The following SERPINI1 variants were observed in gnomAD, a reference collection of about 807,000 sequenced individuals.
SERPINI1 encodes the protein serpin family I member 1.
A neutral mutation model predicts 41.1 loss-of-function variants in SERPINI1; 19 were observed. The ratio of observed to expected loss-of-function variants is 0.46; its 90% CI spans 0.32 to 0.68. The LOEUF is 0.68. SERPINI1 is among the 30% of genes least tolerant of loss of function. SERPINI1 has a pLI of 0.03. For missense variants in SERPINI1, 460 were observed against 479.2 expected (o/e 0.96, Z 0.37); for synonymous variants, 138 against 156.6 (o/e 0.88, Z 0.89).
At chr3:167,797,684 A>G (rs1727758306) in intron 5 of SERPINI1, among the ~76,000 whole-genome samples, 1 of 151,920 alleles carries the variant, frequency 6.6e-6, no homozygotes, top group African/African-American at 2.4e-5. Context: ...ATATGTAGAA[A>G]TATTCCATTA....
In SERPINI1 at chr3:167,823,189, G is replaced by C. The variant is rs868268885; in HGVS notation, c.1066+117G>C. ...AAAAAAGTCACTCTGCTCTAACTTA[G>C]AAGTCAAGCAAATGCTGAACCAGCC... is the stretch of plus-strand genomic sequence containing the variant. On this transcript the variant is annotated intron_variant, in intron 7 of 8. Coordinates refer to ENST00000446050, the MANE Select transcript of SERPINI1 (RefSeq NM_001122752.2). 318 of 768,258 alleles carry C rather than the reference G, an allele frequency of 4.1e-4. 1 individual carries two copies. Among genetic ancestry groups the C allele is most frequent in the South Asian group, 2.0e-3 (141 of 70,744 alleles). The allele number at this position is 768,258 out of a possible 1,614,324, so 47.6% of individuals were successfully genotyped here.
chr3:167,735,773 C>T lies in SERPINI1; in HGVS notation c.-69C>T, dbSNP rs1376676455. On this transcript the variant is annotated 5_prime_UTR_variant, in exon 1 of 9. Transcript: ENST00000446050. Reference sequence around the variant, plus strand: ...GAACGAGAGCGGAGCGGAGCACAGTCCGCCGAGCACAAGCTCCAGCATCCC... The same window carrying T: ...GAACGAGAGCGGAGCGGAGCACAGTTCGCCGAGCACAAGCTCCAGCATCCC... 2 of 152,354 alleles carry T rather than the reference C, an allele frequency of 1.3e-5. No individual in the cohort carries two copies. Among genetic ancestry groups the T allele is most frequent in the African/African-American group, 4.8e-5 (2 of 41,446 alleles). 9.4% of individuals were successfully genotyped at this position (152,354 alleles called of 1,614,324 possible). A position where few individuals can be genotyped will look rare whatever the true frequency, so the allele number is the denominator to read the frequency against.
intron 2 of SERPINI1, 66 bp from the exon 3 acceptor site, chr3:167,790,306 C>A: frequency 1.6e-6 from 2 of 1,216,112 alleles, no homozygotes; most frequent in Non-Finnish European, 1.2e-6. Flanking sequence ...TTTAATGCTC[C>A]TCCACTCTCC....
intron 1 of SERPINI1, among the ~76,000 whole-genome samples, chr3:167,775,160 TTC>T (rs1468469367): frequency 1.7e-5 from 2 of 115,644 alleles, no homozygotes; most frequent in African/African-American, 4.0e-5. Flanking sequence ...TAAGTGTGTG[TTC>T]TAGTAACTTC....
rs565445764 is a variant in SERPINI1, at chr3:167,790,354, T to C, written c.251-18T>C. 39 of 1,529,336 alleles carry C rather than the reference T, an allele frequency of 2.6e-5. No homozygotes were observed. In the South Asian group the frequency reaches 3.4e-4, roughly 13 times the overall value. 94.7% of individuals were successfully genotyped at this position (1,529,336 alleles called of 1,614,324 possible). A position where few individuals can be genotyped will look rare whatever the true frequency, so the allele number is the denominator to read the frequency against. On this transcript the variant is annotated intron_variant, in intron 2 of 8. Coordinates refer to ENST00000446050, the MANE Select transcript of SERPINI1 (RefSeq NM_001122752.2). Reference sequence around the variant, plus strand: ...CGTGTTTGTTCTACAAATAAACTTATCCTTTCTCATCTTTCAGGTGAAGAA... The same window carrying C: ...CGTGTTTGTTCTACAAATAAACTTACCCTTTCTCATCTTTCAGGTGAAGAA...
chr3:167,816,948 T>G (rs1712114143), intron 6 of SERPINI1, among the ~76,000 whole-genome samples: 1 of 151,978 alleles, frequency 6.6e-6, no homozygotes, highest in Non-Finnish European at 1.5e-5. Context: ...AGAATGCTAA[T>G]GGAAGGAAGC....
intron 5 of SERPINI1, among the ~76,000 whole-genome samples, chr3:167,805,100 A>C (rs1321598308): frequency 6.6e-6 from 1 of 152,304 alleles, no homozygotes; most frequent in Admixed American, 6.5e-5. Context: ...TTAAAACAAA[A>C]ATAAAGACCC....
At chr3:167,821,943 G>A (rs1232190725) in intron 6 of SERPINI1, among the ~76,000 whole-genome samples, 1 of 152,116 alleles carries the variant, frequency 6.6e-6, no homozygotes, top group African/African-American at 2.4e-5. Flanking sequence ...TCCTTGCTTG[G>A]GAAGGGCCAG....
chr3:167,758,035 A>G (rs1345159349), intron 1 of SERPINI1, among the ~76,000 whole-genome samples: 1 of 152,238 alleles, frequency 6.6e-6, no homozygotes. Flanking sequence ...TTTATGTAAC[A>G]CAAATCCCTA....
At chr3:167,787,110 C>T (rs1727342194) in intron 1 of SERPINI1, among the ~76,000 whole-genome samples, 1 of 152,016 alleles carries the variant, frequency 6.6e-6, no homozygotes, top group African/African-American at 2.4e-5. Flanking sequence ...TTCGCCCAGG[C>T]CTGCACATGA....
At chr3:167,766,787 A>G (rs567908360) in intron 1 of SERPINI1, among the ~76,000 whole-genome samples, 2 of 152,346 alleles carry the variant, frequency 1.3e-5, no homozygotes, top group South Asian at 4.1e-4. Context: ...ATCCAGAGCA[A>G]TAGCCTAACT....
chr3:167,744,768 T>C (rs541666289), intron 1 of SERPINI1, among the ~76,000 whole-genome samples: 1,017 of 97,634 alleles, frequency 0.01, 15 homozygotes, highest in Non-Finnish European at 0.016. Context: ...ATATTAAATA[T>C]ATATTATATA....
intron 1 of SERPINI1, among the ~76,000 whole-genome samples, chr3:167,763,066 G>C (rs993796297): frequency 6.6e-6 from 1 of 152,094 alleles, no homozygotes; most frequent in African/African-American, 2.4e-5. Flanking sequence ...TCATGTGTAA[G>C]TAGGGAAAAT....
At chr3:167,768,988 G>T (rs1577407547) in intron 1 of SERPINI1, among the ~76,000 whole-genome samples, 1 of 150,108 alleles carries the variant, frequency 6.7e-6, no homozygotes, top group South Asian at 2.1e-4. Context: ...TCTTTTGTTT[G>T]TTTGTTTGTT....
At chr3:167,776,368 C>T (rs1726969082) in intron 1 of SERPINI1, among the ~76,000 whole-genome samples, 1 of 152,142 alleles carries the variant, frequency 6.6e-6, no homozygotes, top group African/African-American at 2.4e-5. Flanking sequence ...ATCTTATTTC[C>T]AGGAGGGCTG....
At chr3:167,786,988 TTC>T (rs1727338755) in intron 1 of SERPINI1, among the ~76,000 whole-genome samples, 1 of 152,226 alleles carries the variant, frequency 6.6e-6, no homozygotes, top group South Asian at 2.1e-4. Context: ...CAAAAGCATT[TTC>T]TTTCTTTATA....
Position 167,792,048 on chromosome 3 carries a change from C to T in SERPINI1, c.482-542C>T, listed in dbSNP as rs369398365. ...GCTGAGGCATGAGAATCACTTGAACCCAGGAGACAGAGTTTGCAGTGAGCA... is the reference window on the plus strand; with the variant it reads ...GCTGAGGCATGAGAATCACTTGAACTCAGGAGACAGAGTTTGCAGTGAGCA... On this transcript the variant is annotated intron_variant, in intron 3 of 8. Transcript: ENST00000446050. Among the ~76,000 whole-genome samples, 15 of 152,096 alleles carry T rather than the reference C, an allele frequency of 9.9e-5. No individual in the cohort carries two copies. The East Asian group carries it at 2.7e-3, about 27-fold the overall frequency.
Position 167,795,991 on chromosome 3 carries a change from TAAG to T in SERPINI1, c.881+1170_881+1172del, listed in dbSNP as rs1212799949. Among the ~76,000 whole-genome samples, 3 of 152,224 alleles carry T rather than the reference TAAG, an allele frequency of 2.0e-5. No individual in the cohort carries two copies. In the East Asian group the frequency reaches 5.8e-4, roughly 29 times the overall value. ...AGTACAGTTAAAACACATTCCATAT[TAAG>T]AAAATTGTTCAAGTATGATTAATTA... On this transcript the variant is annotated intron_variant, in intron 5 of 8. Coordinates refer to ENST00000446050, the MANE Select transcript of SERPINI1 (RefSeq NM_001122752.2).
intron 1 of SERPINI1, among the ~76,000 whole-genome samples, chr3:167,772,970 A>G (rs1369182769): frequency 7.1e-6 from 1 of 141,278 alleles, no homozygotes; most frequent in Non-Finnish European, 1.5e-5. Context: ...ATATGTGTGT[A>G]TATATATGTA....
Sources: gnomAD v4.1 joint callset for allele counts (sites outside exome capture counted in the v4.1 genomes callset) on GRCh38, gnomAD v4.1.1 for gene constraint, MANE v1.5 for transcripts, NCBI Gene and HGNC (gene_info 2026-07-23, HGNC 2026-07-21) for gene names.